The following RASGRF2 variants were observed in gnomAD, a reference collection of about 807,000 sequenced individuals.
The protein encoded by RASGRF2 is ras-specific guanine nucleotide-releasing factor 2.
A neutral mutation model predicts 151.0 loss-of-function variants in RASGRF2; 76 were observed. The observed-to-expected ratio is 0.50, with a 90% CI of 0.42 to 0.61. The LOEUF is 0.61. RASGRF2 is among the 20% of genes least tolerant of loss of function. The probability of loss-of-function intolerance (pLI) is 0.00; values close to 1 mark genes in which losing one functional copy is unlikely to be tolerated. For missense variants in RASGRF2, 1,148 were observed against 1,564.6 expected, an observed-to-expected ratio of 0.73 and a Z score of 4.49; for synonymous variants, 504 against 566.5, an observed-to-expected ratio of 0.89 and a Z score of 1.57.
At chr5:81,149,171 C>T (rs969342217) in intron 17 of RASGRF2, among the ~76,000 whole-genome samples, 1 of 152,288 alleles carries the variant, frequency 6.6e-6, no homozygotes, top group Admixed American at 6.5e-5. Context: ...CAAAGACACA[C>T]GATCATGCAT....
intron 12 of RASGRF2, chr5:81,096,257 A>T (rs1214673470): frequency 6.6e-6 from 1 of 152,188 alleles, no homozygotes; most frequent in Non-Finnish European, 1.5e-5. Flanking sequence ...CCTTGTGGTG[A>T]TTTATTCATA....
chr5:81,040,416 G>GTA (rs1435270696), intron 1 of RASGRF2, among the ~76,000 whole-genome samples: 1 of 152,176 alleles, frequency 6.6e-6, no homozygotes, highest in African/African-American at 2.4e-5. Context: ...ACTACTGATA[G>GTA]TAATATTATA....
chr5:81,048,015 T>A (rs1223897532), intron 2 of RASGRF2, among the ~76,000 whole-genome samples: 2 of 152,232 alleles, frequency 1.3e-5, no homozygotes, highest in African/African-American at 2.4e-5. Flanking sequence ...CACTAAAGGC[T>A]GCTGTGTATA....
intron 1 of RASGRF2, among the ~76,000 whole-genome samples, chr5:80,965,214 G>T (rs111289120): frequency 6.6e-6 from 1 of 152,018 alleles, no homozygotes. Flanking sequence ...GCAGAGCTGC[G>T]TGCGAACTCT....
At position 80,960,991 on chromosome 5, in the gene RASGRF2, G is replaced by A; in HGVS notation, c.253G>A (p.Gly85Arg). 6.5e-7 allele frequency: 1 copy of A among 1,536,462 alleles called. No individual in the cohort carries two copies. Among genetic ancestry groups the A allele is most frequent in the Non-Finnish European group, 8.8e-7 (1 of 1,134,920 alleles). The change falls in exon 1 of 27, where the codon GGG becomes AGG. Residue 85 changes from glycine (G) to arginine (R), a missense_variant. Physicochemically the swap from Gly to Arg is moderately radical, Grantham distance 125. This residue lies in a region of RASGRF2 where 221 missense variants were observed against 271.3 expected (regional missense o/e 0.81). Coordinates refer to ENST00000265080, the MANE Select transcript of RASGRF2 (RefSeq NM_006909.3). The surrounding 1 kb of genome is among the most constrained non-coding windows in gnomAD (Gnocchi z 5.5). Reference protein sequence around the residue: ...RTPAPPRAGAGQGGVRDALDK... With the variant: ...RTPAPPRAGARQGGVRDALDK... ...GCCCGCGCCACCCAGGGCCGGCGCC[G>A]GGCAGGGAGGCGTCCGAGACGCGCT...
chr5:81,102,924 T>C (rs1424550108), intron 12 of RASGRF2, among the ~76,000 whole-genome samples: 1 of 152,096 alleles, frequency 6.6e-6, no homozygotes, highest in Non-Finnish European at 1.5e-5. Flanking sequence ...TGTGAGTAAA[T>C]TATGTATCAT....
At chr5:81,086,439 A>G (rs979952996) in intron 8 of RASGRF2, among the ~76,000 whole-genome samples, 1 of 152,216 alleles carries the variant, frequency 6.6e-6, no homozygotes, top group African/African-American at 2.4e-5. Flanking sequence ...TTTCATTGTT[A>G]CAAGCACTTA....
chr5:81,067,153 T>A (rs1751632805), intron 2 of RASGRF2, among the ~76,000 whole-genome samples: 1 of 152,166 alleles, frequency 6.6e-6, no homozygotes, highest in Non-Finnish European at 1.5e-5. Flanking sequence ...GGATCACATA[T>A]CTCCTGGGGT....
intron 1 of RASGRF2, among the ~76,000 whole-genome samples, chr5:81,036,578 G>A (rs530463350): frequency 7.0e-4 from 107 of 151,908 alleles, no homozygotes; most frequent in African/African-American, 2.5e-3. Context: ...TTATTTTTTG[G>A]TAAATATTTA....
rs542665956 is a variant in RASGRF2, at chr5:81,085,709, G to A, written c.1162-93G>A. On this transcript the variant is annotated intron_variant, in intron 7 of 26. Coordinates refer to ENST00000265080, the MANE Select transcript of RASGRF2 (RefSeq NM_006909.3). ...AAACAGTAAAAAGTGGGAGAGTAGA[G>A]ACAAGCTTCTCGAAGCAATGATGGC... 7.7e-6 allele frequency: 12 copies of A among 1,550,756 alleles called. No homozygotes were observed. In the African/African-American group the frequency reaches 1.1e-4, roughly 14 times the overall value.
At chr5:81,047,098 A>G (rs1750859445) in intron 2 of RASGRF2, among the ~76,000 whole-genome samples, 1 of 152,160 alleles carries the variant, frequency 6.6e-6, no homozygotes, top group Admixed American at 6.6e-5. Context: ...GGACGGTGTC[A>G]CTCTTTGGGA....
rs760127138 is a variant in RASGRF2 at position 81,113,719 on chromosome 5, G to T, written c.2269G>T (p.Ala757Ser). 2.9e-5 allele frequency: 47 copies of T among 1,613,828 alleles called. No homozygotes were observed. In the East Asian group the frequency reaches 1.0e-3, roughly 36 times the overall value. Residue 757 changes from alanine to serine, a missense_variant, in exon 15 of 27, where the codon GCA becomes TCA. Ala to Ser is a moderately conservative substitution (Grantham distance 99, BLOSUM62 1). This residue lies in a region of RASGRF2 where 646 missense variants were observed against 807.4 expected (regional missense o/e 0.80). Coordinates refer to ENST00000265080, the MANE Select transcript of RASGRF2 (RefSeq NM_006909.3). ...LTSPLNSKIG[A>S]LDLTTSSSPT... ...TTCTCCCTTGAACTCAAAGATAGGA[G>T]CATTGGACCTGACAACTTCCAGCAG... is the stretch of plus-strand genomic sequence containing the variant.
chr5:81,157,151 G>A (rs866997876), intron 17 of RASGRF2, among the ~76,000 whole-genome samples: 37 of 151,908 alleles, frequency 2.4e-4, no homozygotes, highest in African/African-American at 8.2e-4. Flanking sequence ...GGATCACGAG[G>A]TCAGGAGATC....
chr5:81,135,925 A>G (rs1023635293), intron 17 of RASGRF2, among the ~76,000 whole-genome samples: 9 of 152,342 alleles, frequency 5.9e-5, no homozygotes, highest in Non-Finnish European at 1.2e-4. Flanking sequence ...CATTTGCTCC[A>G]TACAACAGAG....
At chr5:81,077,531 T>C (rs2112472202) in intron 5 of RASGRF2, among the ~76,000 whole-genome samples, 1 of 152,300 alleles carries the variant, frequency 6.6e-6, no homozygotes, top group South Asian at 2.1e-4. Context: ...TAATACGAGA[T>C]TAAAAGCTAG....
chr5:81,201,178 C>A, intron 18 of RASGRF2, 152 bp from the exon 19 acceptor site: 1 of 1,263,112 alleles, frequency 7.9e-7, no homozygotes, highest in Non-Finnish European at 1.0e-6. Flanking sequence ...CCAATTAAAT[C>A]GGGACCCTAG....
chr5:81,150,340 A>G (rs1228071469), intron 17 of RASGRF2, among the ~76,000 whole-genome samples: 1 of 152,194 alleles, frequency 6.6e-6, no homozygotes, highest in Non-Finnish European at 1.5e-5. Flanking sequence ...GACTGTACCC[A>G]ACTCACAGGG....
At chr5:81,103,071 G>A (rs141978004) in intron 12 of RASGRF2, among the ~76,000 whole-genome samples, 1,989 of 152,074 alleles carry the variant, frequency 0.013, 22 homozygotes, top group South Asian at 0.029. Flanking sequence ...GAAAGAAACC[G>A]TAAGGAAAGA....
intron 18 of RASGRF2, among the ~76,000 whole-genome samples, chr5:81,193,058 C>T (rs1755184546): frequency 6.6e-6 from 1 of 152,082 alleles, no homozygotes; most frequent in South Asian, 2.1e-4. Flanking sequence ...TTTCACTTTC[C>T]TTTTAAAACC....
Sources: gnomAD v4.1 joint callset for allele counts (sites outside exome capture counted in the v4.1 genomes callset) on GRCh38, gnomAD v4.1.1 for gene constraint, gnomAD v4.1.1 regional missense constraint, Gnocchi (gnomAD v3.1) non-coding constraint, MANE v1.5 for transcripts, NCBI Gene and HGNC (gene_info 2026-07-23, HGNC 2026-07-21) for gene names.